SATB2: variants seen among roughly 807,000 people sequenced by gnomAD.
SATB2 encodes the protein DNA-binding protein SATB2.
A neutral mutation model predicts 73.4 loss-of-function variants in SATB2; 1 was observed. That is an observed-to-expected ratio of 0.01 (90% CI 0.00 to 0.06). The LOEUF is 0.06. SATB2 is among the 10% of genes least tolerant of loss of function. SATB2 has a pLI of 1.00. For synonymous variants in SATB2, 397 were observed against 367.0 expected, an observed-to-expected ratio of 1.08 and a Z score of -0.93; for missense variants, 459 against 945.8, an observed-to-expected ratio of 0.49 and a Z score of 6.75.
At position 199,433,320 on chromosome 2, in the gene SATB2, G is replaced by GGGGA. The variant is rs746167454; in HGVS notation, c.346+14_346+17dup. The GGGGA allele has an allele frequency of 1.9e-6, 3 of 1,610,740 alleles. No homozygotes were observed. The highest frequency in any genetic ancestry group is 4.5e-5 in the East Asian group (2 of 44,862). On this transcript the variant is annotated intron_variant, in intron 3 of 10. Transcript: ENST00000417098. Reference sequence around the variant, plus strand: ...GACACACAAGAGACTTGGGAGGAGAGGGGAGAGGCATTAATACCTTGGGCC... The same window carrying GGGGA: ...GACACACAAGAGACTTGGGAGGAGAGGGGAGGGAGAGGCATTAATACCTTGGGCC...
chr2:199,456,554 C>A (rs1054615557), intron 1 of SATB2, among the ~76,000 whole-genome samples: 5 of 152,206 alleles, frequency 3.3e-5, no homozygotes, highest in Non-Finnish European at 7.3e-5. Flanking sequence ...CCGGTAAATG[C>A]GCTGTGAATG....
chr2:199,427,201 A>G (rs1691362409), intron 3 of SATB2, among the ~76,000 whole-genome samples: 1 of 152,182 alleles, frequency 6.6e-6, no homozygotes, highest in South Asian at 2.1e-4. Context: ...TTAAAATCAT[A>G]GTATTTGAAG....
At chr2:199,321,968 T>A (rs1687904587) in intron 9 of SATB2, among the ~76,000 whole-genome samples, 1 of 152,114 alleles carries the variant, frequency 6.6e-6, no homozygotes, top group African/African-American at 2.4e-5. Context: ...TTCTCCAAAT[T>A]CTACGAAATC....
At chr2:199,286,579 A>G (rs1692694652) in intron 10 of SATB2, among the ~76,000 whole-genome samples, 2 of 152,096 alleles carry the variant, frequency 1.3e-5, no homozygotes, top group African/African-American at 4.8e-5. Flanking sequence ...TGCCTGGGAG[A>G]TACCATCCCC....
At chr2:199,329,616 C>T (rs995630344) in intron 7 of SATB2, among the ~76,000 whole-genome samples, 5 of 152,016 alleles carry the variant, frequency 3.3e-5, no homozygotes, top group South Asian at 4.1e-4. Context: ...TCACCTCTGG[C>T]GAGGGGCTGA....
Position 199,365,195 on chromosome 2 carries a change from T to C in SATB2, c.700+3410A>G, listed in dbSNP as rs1689246459. On this transcript the variant is annotated intron_variant, in intron 6 of 10. Transcript: ENST00000417098. The stretch of plus-strand genomic sequence containing the variant: ...AACTATTAATATTGGTCTTTTTTCT[T>C]TGCTTTTAGATAAAATGTACTTTTT... Among the ~76,000 whole-genome samples the C allele has an allele frequency of 2.0e-5, 3 of 152,118 alleles. No individual in the cohort carries two copies. In the South Asian group the frequency reaches 6.2e-4, roughly 32 times the overall value.
rs184205839 is a variant in SATB2, at chr2:199,372,564, A to G, written c.598-3857T>C. ...GAGGCCCCAGAAACTCAGAATAAAA[A>G]GCATCTTTCCCAAAGTCAAATAGCA... On this transcript the variant is annotated intron_variant, in intron 5 of 10. Transcript: ENST00000417098. Among the ~76,000 whole-genome samples the G allele has an allele frequency of 7.6e-4, 115 of 152,294 alleles. 6 individuals carry two copies. The East Asian group carries it at 0.012, about 16-fold the overall frequency.
chr2:199,399,431 G>A (rs1012808294), intron 3 of SATB2, among the ~76,000 whole-genome samples: 15 of 152,120 alleles, frequency 9.9e-5, no homozygotes, highest in Non-Finnish European at 1.6e-4. Flanking sequence ...TGACTGCAAA[G>A]ACCCTGCATT....
At chr2:199,332,051 T>C (rs1174228960) in intron 7 of SATB2, among the ~76,000 whole-genome samples, 1 of 152,150 alleles carries the variant, frequency 6.6e-6, no homozygotes, top group Non-Finnish European at 1.5e-5. Context: ...AGATGCACTT[T>C]TATGAATAGA....
At chr2:199,297,337 GTGTA>G (rs1285067476) in intron 10 of SATB2, among the ~76,000 whole-genome samples, 1 of 152,178 alleles carries the variant, frequency 6.6e-6, no homozygotes, top group African/African-American at 2.4e-5. Flanking sequence ...AATGACACTA[GTGTA>G]TGTAAGTCCA....
At chr2:199,414,337 T>A (rs1205572407) in intron 3 of SATB2, among the ~76,000 whole-genome samples, 1 of 152,198 alleles carries the variant, frequency 6.6e-6, no homozygotes, top group African/African-American at 2.4e-5. Flanking sequence ...ATAGCCACGG[T>A]ACTTGTGTGC....
chr2:199,358,325 A>G (rs1689046258), intron 6 of SATB2, among the ~76,000 whole-genome samples: 1 of 152,192 alleles, frequency 6.6e-6, no homozygotes, highest in Non-Finnish European at 1.5e-5. Flanking sequence ...ACAAACACAG[A>G]TGGACATGAT....
intron 7 of SATB2, among the ~76,000 whole-genome samples, chr2:199,341,907 A>C (rs991072104): frequency 7.2e-5 from 11 of 152,136 alleles, no homozygotes; most frequent in African/African-American, 2.7e-4. Flanking sequence ...CAGGACAGGG[A>C]AGAGAAGAAA....
chr2:199,276,184 T>C (rs557350328), intron 10 of SATB2, among the ~76,000 whole-genome samples: 1 of 152,310 alleles, frequency 6.6e-6, no homozygotes, highest in Non-Finnish European at 1.5e-5. Context: ...GATGGTCTTC[T>C]CTAGGCATGA....
intron 8 of SATB2, 28 bp downstream of exon 8, chr2:199,328,670 T>C (rs1156906199): frequency 6.3e-7 from 1 of 1,580,298 alleles, no homozygotes; most frequent in Admixed American, 1.7e-5. Context: ...AGACAAAGAG[T>C]GAAAAATACG....
intron 3 of SATB2, among the ~76,000 whole-genome samples, chr2:199,430,095 GCTA>G (rs932846918): frequency 3.9e-5 from 6 of 152,266 alleles, no homozygotes; most frequent in Admixed American, 3.9e-4. Flanking sequence ...TGAATGAATA[GCTA>G]CTCAACCAGT....
At chr2:199,465,280 CTGTCA>C (rs1277759384), upstream of SATB2, 7 of 152,224 alleles carry the variant, frequency 4.6e-5, no homozygotes, top group African/African-American at 1.7e-4. Context: ...GTTGTTATTT[CTGTCA>C]ACAGAAAACT....
chr2:199,321,971 A>G (rs569901033), intron 9 of SATB2, among the ~76,000 whole-genome samples: 180 of 152,296 alleles, frequency 1.2e-3, no homozygotes, highest in African/African-American at 3.9e-3. Flanking sequence ...TCCAAATTCT[A>G]CGAAATCAGG....
At chr2:199,469,812 G>C (rs1021668741), upstream of SATB2, 1 of 152,434 alleles carries the variant, frequency 6.6e-6, no homozygotes, top group Non-Finnish European at 1.5e-5. Context: ...GCTTGTTGCT[G>C]TGCTACTGAC....
Sources: allele counts gnomAD v4.1 joint callset (sites outside exome capture counted in the v4.1 genomes callset), GRCh38; gene constraint gnomAD v4.1.1; transcripts MANE v1.5; gene names NCBI Gene and HGNC (gene_info 2026-07-23, HGNC 2026-07-21).